The following ESRRG variants were observed in gnomAD, a reference collection of about 807,000 sequenced individuals.
The protein encoded by ESRRG is estrogen-related receptor gamma.
ESRRG carries 13 observed loss-of-function variants against 44.0 expected under a neutral mutation model. That is an observed-to-expected ratio of 0.30 (90% CI 0.19 to 0.47). The LOEUF (loss-of-function observed/expected upper bound fraction) is 0.47. Ranked by LOEUF, ESRRG falls within the 20% of genes least tolerant of loss-of-function variation. ESRRG has a pLI of 1.00. For synonymous variants in ESRRG, 215 were observed against 214.6 expected (o/e 1.00, Z -0.02); for missense variants, 395 against 580.6 (o/e 0.68, Z 3.29).
intron 2 of ESRRG, among the ~76,000 whole-genome samples, chr1:216,750,685 C>T (rs2091918289): frequency 6.6e-6 from 1 of 152,012 alleles, no homozygotes; most frequent in Non-Finnish European, 1.5e-5. Context: ...CAAATTAATA[C>T]ATTGATAGGC....
At chr1:216,791,121 A>G (rs773916204) in intron 2 of ESRRG, among the ~76,000 whole-genome samples, 58 of 152,226 alleles carry the variant, frequency 3.8e-4, no homozygotes, top group Middle Eastern at 6.8e-3. Context: ...GAATCTGGGT[A>G]TTTTCCCCAA....
chr1:216,680,841 G>T (rs1232748236), intron 1 of ESRRG, among the ~76,000 whole-genome samples: 1 of 152,114 alleles, frequency 6.6e-6, no homozygotes, highest in East Asian at 1.9e-4. Context: ...TTTTATTCTA[G>T]ACTTCACTTC....
intron 1 of ESRRG, among the ~76,000 whole-genome samples, chr1:217,014,015 G>A (rs992102529): frequency 3.3e-5 from 5 of 152,088 alleles, no homozygotes; most frequent in Admixed American, 3.3e-4. Context: ...CAAAAGGAGT[G>A]AAGGGTGCCT....
At chr1:216,848,638 T>C (rs1172924301) in intron 2 of ESRRG, among the ~76,000 whole-genome samples, 2 of 152,138 alleles carry the variant, frequency 1.3e-5, no homozygotes, top group East Asian at 3.9e-4. Context: ...CCTCCAGCGA[T>C]CTCATAGACA....
chr1:216,607,225 C>A lies in ESRRG; in HGVS notation c.590-39127G>T, dbSNP rs143455821. Among the ~76,000 whole-genome samples, 1,095 of 152,206 alleles carry A rather than the reference C, an allele frequency of 7.2e-3. 12 individuals carry two copies. The highest frequency in any genetic ancestry group is 0.026 in the African/African-American group (1,064 of 41,520). ...TGAATGCTGACCACAATCCCTACACCCCCATGACCCTGGCCTGGAGAAAAG... is the reference window on the plus strand; with the variant it reads ...TGAATGCTGACCACAATCCCTACACACCCATGACCCTGGCCTGGAGAAAAG... On this transcript the variant is annotated intron_variant, in intron 3 of 6. Transcript: ENST00000408911.
At chr1:216,630,821 C>T (rs1251108536) in intron 3 of ESRRG, among the ~76,000 whole-genome samples, 1 of 152,086 alleles carries the variant, frequency 6.6e-6, no homozygotes, top group Non-Finnish European at 1.5e-5. Flanking sequence ...GTGACGTCCA[C>T]TGCAAAGGGT....
upstream of ESRRG, among the ~76,000 whole-genome samples, chr1:216,723,942 C>A (rs557256946): frequency 1.1e-3 from 164 of 152,132 alleles, no homozygotes; most frequent in Non-Finnish European, 2.0e-3. Flanking sequence ...TTTATTACAC[C>A]GGGGGCCGCG....
upstream of ESRRG, among the ~76,000 whole-genome samples, chr1:216,725,375 T>C (rs576613457): frequency 1.3e-5 from 2 of 152,188 alleles, no homozygotes; most frequent in African/African-American, 2.4e-5. Context: ...AATTTGGTTG[T>C]GAGCAGTGAA....
At chr1:216,974,573 G>A (rs2072462010) in intron 1 of ESRRG, among the ~76,000 whole-genome samples, 1 of 152,024 alleles carries the variant, frequency 6.6e-6, no homozygotes, top group Admixed American at 6.6e-5. Flanking sequence ...AAATAAAAAG[G>A]TTTATAATTT....
intron 1 of ESRRG, chr1:216,682,162 C>T (rs139162452): frequency 1.3e-5 from 2 of 152,166 alleles, no homozygotes; most frequent in East Asian, 3.9e-4. Context: ...GTATTTCCAC[C>T]CTAAAACAAA....
At chr1:216,759,919 C>A (rs2092677875) in intron 2 of ESRRG, among the ~76,000 whole-genome samples, 2 of 152,110 alleles carry the variant, frequency 1.3e-5, no homozygotes, top group African/African-American at 4.8e-5. Flanking sequence ...ACATTATCAT[C>A]CCTCTCCTTA....
At chr1:216,874,762 C>G (rs1231631085) in intron 2 of ESRRG, among the ~76,000 whole-genome samples, 2 of 152,114 alleles carry the variant, frequency 1.3e-5, no homozygotes, top group African/African-American at 4.8e-5. Flanking sequence ...GTGGACCCAC[C>G]CTCAATCTGA....
At chr1:217,135,952 C>T (rs2093043777) in intron 1 of ESRRG, among the ~76,000 whole-genome samples, 1 of 152,152 alleles carries the variant, frequency 6.6e-6, no homozygotes, top group African/African-American at 2.4e-5. Context: ...CCCACCCCCG[C>T]CCCCTTTGCA....
intron 1 of ESRRG, chr1:216,715,018 C>T (rs1490919622): frequency 6.5e-6 from 6 of 920,770 alleles, no homozygotes; most frequent in Non-Finnish European, 7.8e-6. Context: ...TTGTTCCTCA[C>T]CTCCCTTTGC....
intron 1 of ESRRG, among the ~76,000 whole-genome samples, chr1:217,022,767 T>C (rs2080550547): frequency 6.6e-6 from 1 of 152,112 alleles, no homozygotes; most frequent in Admixed American, 6.6e-5. Flanking sequence ...CCCCCACATC[T>C]GGAGCAACAC....
At chr1:216,560,465 A>T (rs571378875) in intron 5 of ESRRG, among the ~76,000 whole-genome samples, 1 of 152,364 alleles carries the variant, frequency 6.6e-6, no homozygotes, top group African/African-American at 2.4e-5. Context: ...GGCAAGATCC[A>T]TAAATATGTT....
At chr1:216,727,301 A>T (rs902280266), upstream of ESRRG, among the ~76,000 whole-genome samples, 1 of 152,204 alleles carries the variant, frequency 6.6e-6, no homozygotes, top group African/African-American at 2.4e-5. Flanking sequence ...TGTATCATAT[A>T]TAGTATAATA....
intron 1 of ESRRG, among the ~76,000 whole-genome samples, chr1:217,134,865 G>T (rs1270877298): frequency 6.6e-6 from 1 of 152,214 alleles, no homozygotes; most frequent in African/African-American, 2.4e-5. Context: ...TGGACCGACC[G>T]CCGCGATCCG....
chr1:216,638,012 G>GA (rs201520508), intron 3 of ESRRG, among the ~76,000 whole-genome samples: 1,933 of 149,724 alleles, frequency 0.013, 34 homozygotes, highest in African/African-American at 0.045. Flanking sequence ...GATTTAAAAA[G>GA]AAAAAAAAAG....
Sources: allele counts gnomAD v4.1 joint callset (sites outside exome capture counted in the v4.1 genomes callset), GRCh38; gene constraint gnomAD v4.1.1; transcripts MANE v1.5; gene names NCBI Gene and HGNC (gene_info 2026-07-23, HGNC 2026-07-21).